Variants in AFG2A observed in about 807,000 individuals in gnomAD.
The protein encoded by AFG2A is AAA ATPase AFG2A.
At chr4:123,212,421 A>C in the AFG2A span, among the ~76,000 whole-genome samples, 1 of 152,136 alleles carries the variant, frequency 6.6e-6, no homozygotes, top group African/African-American at 2.4e-5. Flanking sequence ...TTTATTGTTT[A>C]CAAAGAACTA....
the AFG2A span, among the ~76,000 whole-genome samples, chr4:123,035,205 C>T: frequency 5.9e-5 from 9 of 152,158 alleles, no homozygotes; most frequent in African/African-American, 2.2e-4. Flanking sequence ...TTTTTTCTTT[C>T]ACCTTGGGTG....
the AFG2A span, among the ~76,000 whole-genome samples, chr4:123,197,420 T>C: frequency 3.4e-4 from 52 of 152,294 alleles, no homozygotes; most frequent in African/African-American, 1.2e-3. Flanking sequence ...ACATCAAATT[T>C]CCTGTTAGGC....
At chr4:123,280,114 T>C in the AFG2A span, among the ~76,000 whole-genome samples, 2 of 152,166 alleles carry the variant, frequency 1.3e-5, no homozygotes, top group East Asian at 1.9e-4. Flanking sequence ...CTGCATTTAG[T>C]AGACCTGGGT....
At chr4:123,178,940 A>G in the AFG2A span, among the ~76,000 whole-genome samples, 1 of 152,312 alleles carries the variant, frequency 6.6e-6, no homozygotes, top group South Asian at 2.1e-4. Flanking sequence ...CATTTACACT[A>G]AAAAGGTTAT....
the AFG2A span, among the ~76,000 whole-genome samples, chr4:123,127,925 GGAGGTTAAGCTA>G: frequency 6.6e-6 from 1 of 152,062 alleles, no homozygotes; most frequent in Non-Finnish European, 1.5e-5. Context: ...TCTTCCTCCT[GGAGGTTAAGCTA>G]GTACTCATTA....
the AFG2A span, among the ~76,000 whole-genome samples, chr4:123,277,275 C>T: frequency 2.0e-5 from 3 of 152,052 alleles, no homozygotes; most frequent in Non-Finnish European, 4.4e-5. Context: ...ATTTGGCTGT[C>T]AGCTTGGATG....
At chr4:123,126,626 C>G in the AFG2A span, among the ~76,000 whole-genome samples, 1 of 152,098 alleles carries the variant, frequency 6.6e-6, no homozygotes, top group African/African-American at 2.4e-5. Context: ...TCAGTGAGTT[C>G]TCATGAGATA....
the AFG2A span, among the ~76,000 whole-genome samples, chr4:123,257,341 C>T: frequency 6.6e-6 from 1 of 152,122 alleles, no homozygotes; most frequent in Non-Finnish European, 1.5e-5. Context: ...CCTCAACTTA[C>T]AATACAGCTA....
the AFG2A span, among the ~76,000 whole-genome samples, chr4:123,046,574 T>C: frequency 6.6e-6 from 1 of 150,402 alleles, no homozygotes; most frequent in East Asian, 1.9e-4. Flanking sequence ...GTATACAATA[T>C]GTACTGATCA....
chr4:123,178,437 C>G, the AFG2A span, among the ~76,000 whole-genome samples: 1 of 152,208 alleles, frequency 6.6e-6, no homozygotes, highest in Non-Finnish European at 1.5e-5. Context: ...ACAAATGTAT[C>G]TCCATTCATA....
At chr4:122,941,148 A>C in the AFG2A span, among the ~76,000 whole-genome samples, 903 of 151,372 alleles carry the variant, frequency 6.0e-3, 12 homozygotes, top group Admixed American at 0.043. Context: ...ACTTTAAAGT[A>C]GTTTTTTCCA....
chr4:122,943,241 A>C, the AFG2A span, among the ~76,000 whole-genome samples: 1 of 152,062 alleles, frequency 6.6e-6, no homozygotes, highest in Non-Finnish European at 1.5e-5. Context: ...GGGGTGTGAA[A>C]GTCTCCCATT....
chr4:123,260,126 CA>C, the AFG2A span: 3 of 152,022 alleles, frequency 2.0e-5, no homozygotes, highest in African/African-American at 7.3e-5. Flanking sequence ...CATGATGTGG[CA>C]GTCAGGAGCA....
the AFG2A span, among the ~76,000 whole-genome samples, chr4:123,147,018 A>G: frequency 6.6e-6 from 1 of 152,184 alleles, no homozygotes; most frequent in African/African-American, 2.4e-5. Flanking sequence ...TTTATACTGG[A>G]AACTCCAAGA....
the AFG2A span, among the ~76,000 whole-genome samples, chr4:123,287,398 G>A: frequency 1.3e-5 from 2 of 152,158 alleles, no homozygotes. Flanking sequence ...TGGTTCTGAA[G>A]TTTGTGGGGG....
chr4:122,951,456 A>ACACG, the AFG2A span, among the ~76,000 whole-genome samples: 1 of 151,158 alleles, frequency 6.6e-6, no homozygotes, highest in African/African-American at 2.4e-5. Context: ...ACACACACAC[A>ACACG]CACGCACGCA....
the AFG2A span, among the ~76,000 whole-genome samples, chr4:123,094,160 G>A: frequency 6.6e-6 from 1 of 152,062 alleles, no homozygotes; most frequent in African/African-American, 2.4e-5. Flanking sequence ...GATCATCAGG[G>A]GATCTTTCTT....
the AFG2A span, chr4:123,314,182 G>A: frequency 7.8e-6 from 6 of 769,700 alleles, no homozygotes; most frequent in Admixed American, 3.8e-5. Context: ...AGTATGTTCA[G>A]TAGAATTTAG....
chr4:123,249,831 G>A, the AFG2A span, among the ~76,000 whole-genome samples: 14 of 152,134 alleles, frequency 9.2e-5, no homozygotes, highest in Non-Finnish European at 1.9e-4. Flanking sequence ...AGTAGTGTTA[G>A]CCAGGTCTAT....
Sources: allele counts gnomAD v4.1 joint callset (sites outside exome capture counted in the v4.1 genomes callset), GRCh38; gene constraint gnomAD v4.1.1; transcripts MANE v1.5; gene names NCBI Gene and HGNC (gene_info 2026-07-23, HGNC 2026-07-21).